Variants in PAPOLA observed in about 807,000 individuals in gnomAD.
PAPOLA encodes the protein polynucleotide adenylyltransferase alpha.
In PAPOLA, 15 loss-of-function variants were observed where a neutral mutation model predicts 100.6. The ratio of observed to expected loss-of-function variants is 0.15; its 90% CI spans 0.10 to 0.23. The LOEUF (loss-of-function observed/expected upper bound fraction) is 0.23, where lower values mean the gene tolerates loss of function less well. Among genes scored for constraint, PAPOLA ranks in the 10% least tolerant of loss-of-function variants. The pLI, the probability that PAPOLA is intolerant of heterozygous loss-of-function variation, is 1.00. For synonymous variants in PAPOLA, 293 were observed against 300.0 expected, an observed-to-expected ratio of 0.98 and a Z score of 0.24; for missense variants, 533 against 884.2, an observed-to-expected ratio of 0.60 and a Z score of 5.04.
chr14:96,557,270 C>G (rs1191052586), intron 19 of PAPOLA, among the ~76,000 whole-genome samples: 1 of 152,084 alleles, frequency 6.6e-6, no homozygotes, highest in Non-Finnish European at 1.5e-5. Context: ...AGGCTTGTCT[C>G]CAGCTCCTGG....
At chr14:96,556,113 C>A in intron 18 of PAPOLA, 62 bp from the exon 19 acceptor site, 1 of 1,386,514 alleles carries the variant, frequency 7.2e-7, no homozygotes, top group Non-Finnish European at 1.0e-6. Flanking sequence ...GAAACAAAAA[C>A]TTACAACTTG....
Position 96,506,856 on chromosome 14 carries a change from G to C in PAPOLA, c.8+4256G>C, listed in dbSNP as rs368690524. 3.3e-5 allele frequency among the ~76,000 whole-genome samples: 5 copies of C among 152,276 alleles called. No homozygotes were observed. In the East Asian group the frequency reaches 7.7e-4, roughly 23 times the overall value. ...ATTTTAATGCAACAGAGTACCAAGG[G>C]CTTATTAATAGGGTTTTAACTTTCA... On this transcript the variant is annotated intron_variant, in intron 1 of 21. Coordinates refer to ENST00000216277, the MANE Select transcript of PAPOLA (RefSeq NM_032632.5).
At chr14:96,509,463 A>G (rs1376116481) in intron 1 of PAPOLA, among the ~76,000 whole-genome samples, 2 of 152,280 alleles carry the variant, frequency 1.3e-5, no homozygotes, top group South Asian at 2.1e-4. Flanking sequence ...AAAGTAACAT[A>G]TAGTGTATAC....
At position 96,520,058 on chromosome 14, in the gene PAPOLA, A is replaced by G. The variant is rs11544291; in HGVS notation, c.12A>G (p.Pro4=). 2 of 1,604,222 alleles carry G rather than the reference A, an allele frequency of 1.2e-6. No individual in the cohort carries two copies. Among genetic ancestry groups the G allele is most frequent in the East Asian group, 2.2e-5 (1 of 44,778 alleles). ...TTGTATCCAATTTTGTTTATAGTCC[A>G]GTTACAACACAGGGATCACAACAAA... The part of the protein sequence containing the change: MPF[P]VTTQGSQQTQ... Residue 4 remains proline (P), a synonymous_variant, in exon 2 of 22, where the codon CCA becomes CCG. Transcript: ENST00000216277.
intron 17 of PAPOLA, among the ~76,000 whole-genome samples, chr14:96,553,979 G>C (rs1282328665): frequency 6.6e-6 from 1 of 152,150 alleles, no homozygotes; most frequent in Admixed American, 6.5e-5. Context: ...CTTCAGGCCT[G>C]AATATGTCCT....
rs145889910 is a variant in PAPOLA at position 96,554,113 on chromosome 14, G to A, written c.1664+1491G>A. Among the ~76,000 whole-genome samples, 11 of 152,282 alleles carry A rather than the reference G, an allele frequency of 7.2e-5. No homozygotes were observed. The East Asian group carries it at 2.1e-3, about 29-fold the overall frequency. ...GCACAAATATAAAATGTGTACAACT[G>A]TACTAAATAATTTCACAAATTTAGT... On this transcript the variant is annotated intron_variant, in intron 17 of 21. Transcript: ENST00000216277.
At chr14:96,559,581 C>CTCTCTCTATATATATATATA (rs370979875) in intron 19 of PAPOLA, among the ~76,000 whole-genome samples, 4 of 120,176 alleles carry the variant, frequency 3.3e-5, no homozygotes, top group African/African-American at 1.3e-4. Flanking sequence ...CTCTCTCTCT[C>CTCTCTCTATATATATATATA]TATATATATA....
chr14:96,548,596 TG>T (rs1900579361), intron 16 of PAPOLA, among the ~76,000 whole-genome samples: 2 of 152,126 alleles, frequency 1.3e-5, no homozygotes, highest in Admixed American at 1.3e-4. Flanking sequence ...TATGCAGCAG[TG>T]AAAATAAATG....
Position 96,535,898 on chromosome 14 carries a change from A to G in PAPOLA, c.929A>G (p.Tyr310Cys). ...WDPRVNPSDR[Y>C]HLMPIITPAY... ...ATGTAGGTAAACCCCAGTGATAGGT[A>G]CCATCTTATGCCTATAATTACACCA... Residue 310 changes from tyrosine (Y) to cysteine (C), a missense_variant, in exon 11 of 22, where the codon TAC (tyrosine) becomes TGC (cysteine). Transcript: ENST00000216277. 1 of 1,601,722 alleles carries G rather than the reference A, an allele frequency of 6.2e-7. No homozygotes were observed.
At chr14:96,526,459 A>C (rs1898489698) in intron 4 of PAPOLA, 1 of 152,368 alleles carries the variant, frequency 6.6e-6, no homozygotes, top group South Asian at 2.1e-4. Context: ...CAGCCACCTG[A>C]GTAGCTGGGA....
chr14:96,545,732 A>G (rs1212582738), intron 15 of PAPOLA, among the ~76,000 whole-genome samples: 1 of 152,084 alleles, frequency 6.6e-6, no homozygotes, highest in Non-Finnish European at 1.5e-5. Context: ...GTTTCTAGGC[A>G]TAATACCTTT....
chr14:96,518,618 C>T (rs1400450403), intron 1 of PAPOLA, among the ~76,000 whole-genome samples: 3 of 151,940 alleles, frequency 2.0e-5, no homozygotes, highest in African/African-American at 2.4e-5. Flanking sequence ...ACTGTGGTCT[C>T]GATCTCCTGA....
Position 96,532,616 on chromosome 14 carries a change from T to C in PAPOLA, c.803T>C (p.Leu268Pro), listed in dbSNP as rs1480463283. The C allele has an allele frequency of 6.2e-7, 1 of 1,610,646 alleles. No individual in the cohort carries two copies. Among genetic ancestry groups the C allele is most frequent in the African/African-American group, 1.3e-5 (1 of 74,750 alleles). Residue 268 changes from leucine to proline, a missense_variant, in exon 9 of 22, where the codon CTT (leucine) becomes CCT (proline). Leu to Pro is a moderately conservative substitution (Grantham distance 98, BLOSUM62 -3). Coordinates refer to ENST00000216277, the MANE Select transcript of PAPOLA (RefSeq NM_032632.5). ...QLYPNAIAST[L>P]VHKFFLVFSK... ...TATCCAAATGCAATAGCATCAACTCTTGTACATAAATTTTTCTTGGTATTT... is the reference window on the plus strand; with the variant it reads ...TATCCAAATGCAATAGCATCAACTCCTGTACATAAATTTTTCTTGGTATTT...
chr14:96,509,965 CTTT>C (rs11372552), intron 1 of PAPOLA, among the ~76,000 whole-genome samples: 2 of 84,422 alleles, frequency 2.4e-5, no homozygotes, highest in African/African-American at 9.1e-5. Flanking sequence ...GTGGGAGTTG[CTTT>C]TTTTTTTTTT....
chr14:96,511,879 A>G (rs554238890), intron 1 of PAPOLA, among the ~76,000 whole-genome samples: 7 of 152,312 alleles, frequency 4.6e-5, no homozygotes, highest in African/African-American at 1.7e-4. Context: ...TTTGCTTTGG[A>G]TTTACTATTT....
intron 1 of PAPOLA, among the ~76,000 whole-genome samples, chr14:96,508,857 T>A (rs1213927203): frequency 6.6e-6 from 1 of 152,186 alleles, no homozygotes; most frequent in Non-Finnish European, 1.5e-5. Context: ...GGTAATTGGT[T>A]CCCCTAAAAG....
At chr14:96,527,125 G>T (rs1307151413) in intron 4 of PAPOLA, 1 of 319,842 alleles carries the variant, frequency 3.1e-6, no homozygotes, top group Non-Finnish European at 5.7e-6. Context: ...ATGACATCAA[G>T]ATGTTGGGTG....
intron 3 of PAPOLA, among the ~76,000 whole-genome samples, chr14:96,524,749 G>A (rs1898319097): frequency 6.6e-6 from 1 of 152,062 alleles, no homozygotes; most frequent in Non-Finnish European, 1.5e-5. Flanking sequence ...TCTCAATCTG[G>A]GCTCAAGCAA....
chr14:96,556,140 T>G (rs200865544), intron 18 of PAPOLA, 35 bp from the exon 19 acceptor site: 1 of 1,516,188 alleles, frequency 6.6e-7, no homozygotes, highest in Non-Finnish European at 9.1e-7. Flanking sequence ...ATTTGGTTAT[T>G]TTAATTTGTA....
Sources: allele counts gnomAD v4.1 joint callset (sites outside exome capture counted in the v4.1 genomes callset), GRCh38; gene constraint gnomAD v4.1.1; transcripts MANE v1.5; gene names NCBI Gene and HGNC (gene_info 2026-07-23, HGNC 2026-07-21).